UNC5D: variants seen among roughly 807,000 people sequenced by gnomAD.
The protein encoded by UNC5D is netrin receptor UNC5D.
Under a neutral mutation model 105.4 loss-of-function variants are expected in UNC5D, and 39 were observed. That is an observed-to-expected ratio of 0.37 (90% CI 0.29 to 0.48). The LOEUF (loss-of-function observed/expected upper bound fraction) is 0.48. UNC5D is among the 20% of genes least tolerant of loss of function. The probability of loss-of-function intolerance (pLI) is 0.98; values close to 1 mark genes in which losing one functional copy is unlikely to be tolerated. For missense variants in UNC5D, 991 were observed against 1,202.4 expected, an observed-to-expected ratio of 0.82 and a Z score of 2.60; for synonymous variants, 452 against 450.4, an observed-to-expected ratio of 1.00 and a Z score of -0.04.
At chr8:35,683,332 C>T (rs1023969243) in intron 4 of UNC5D, among the ~76,000 whole-genome samples, 2 of 152,116 alleles carry the variant, frequency 1.3e-5, no homozygotes, top group African/African-American at 4.8e-5. Flanking sequence ...GTGTTCTTTT[C>T]CTGCTCCCAA....
At chr8:35,287,796 C>G (rs1806717396) in intron 1 of UNC5D, among the ~76,000 whole-genome samples, 1 of 151,434 alleles carries the variant, frequency 6.6e-6, no homozygotes, top group Admixed American at 6.6e-5. Flanking sequence ...AGAGTGAGAC[C>G]CTGTCTCAAA....
chr8:35,767,202 T>A, intron 15 of UNC5D, 136 bp downstream of exon 15: 1 of 1,107,250 alleles, frequency 9.0e-7, no homozygotes, highest in Non-Finnish European at 1.2e-6. Context: ...TCATTACTGA[T>A]GAGGGAAAAT....
chr8:35,725,244 G>A (rs1411967038), intron 9 of UNC5D, among the ~76,000 whole-genome samples: 1 of 152,086 alleles, frequency 6.6e-6, no homozygotes, highest in African/African-American at 2.4e-5. Flanking sequence ...TCATATTGAC[G>A]GACTGATATG....
At chr8:35,472,845 G>T (rs1450721664) in intron 1 of UNC5D, among the ~76,000 whole-genome samples, 1 of 152,138 alleles carries the variant, frequency 6.6e-6, no homozygotes, top group Non-Finnish European at 1.5e-5. Flanking sequence ...AGTGAGTAGA[G>T]AGTGGGAAAG....
chr8:35,722,261 T>C lies in UNC5D; in HGVS notation c.1169T>C (p.Val390Ala), dbSNP rs989838018. The C allele has an allele frequency of 1.9e-6, 3 of 1,614,036 alleles. No individual in the cohort carries two copies. The African/African-American group carries it at 4.0e-5, about 22-fold the overall frequency. The change falls in exon 9 of 17, where the codon GTC (valine) becomes GCC (alanine). Residue 390 changes from valine (V) to alanine (A), a missense_variant. This residue lies in a region of UNC5D where 944 missense variants were observed against 1,131.6 expected (regional missense o/e 0.83). Coordinates refer to ENST00000404895, the MANE Select transcript of UNC5D (RefSeq NM_080872.4). ...IALYSGLGAA[V>A]VAVAVLVIGV... ...TTGTACTCGGGCTTGGGTGCTGCCG[T>C]CGTGGCCGTTGCAGTCCTGGTCATT...
intron 1 of UNC5D, among the ~76,000 whole-genome samples, chr8:35,382,716 C>T (rs1803120381): frequency 6.6e-6 from 1 of 152,162 alleles, no homozygotes; most frequent in Non-Finnish European, 1.5e-5. Flanking sequence ...CTCCTGCTGT[C>T]ATATCTCAAG....
chr8:35,442,204 G>A (rs910538923), intron 1 of UNC5D, among the ~76,000 whole-genome samples: 4 of 151,772 alleles, frequency 2.6e-5, no homozygotes, highest in African/African-American at 9.7e-5. Context: ...AGTTATTGAA[G>A]GTAGGTGAGA....
At chr8:35,536,042 C>A (rs2130591191) in intron 1 of UNC5D, among the ~76,000 whole-genome samples, 1 of 152,314 alleles carries the variant, frequency 6.6e-6, no homozygotes, top group Admixed American at 6.5e-5. Context: ...CCAAAGCCCA[C>A]ATTTCTTTCC....
At chr8:35,299,382 C>T (rs1397420791) in intron 1 of UNC5D, among the ~76,000 whole-genome samples, 1 of 152,148 alleles carries the variant, frequency 6.6e-6, no homozygotes, top group Non-Finnish European at 1.5e-5. Context: ...AGAATAAGGG[C>T]TTCGTTTCAC....
At position 35,721,587 on chromosome 8, in the gene UNC5D, G is replaced by C. The variant is rs1266521449; in HGVS notation, c.1118-623G>C. 4.3e-6 allele frequency: 3 copies of C among 692,206 alleles called. No individual in the cohort carries two copies. In the Admixed American group the frequency reaches 6.2e-5, roughly 14 times the overall value. 42.9% of individuals were successfully genotyped at this position (692,206 alleles called of 1,614,324 possible). A position where few individuals can be genotyped will look rare whatever the true frequency, so the allele number is the denominator to read the frequency against. ...CTGCCATGGACTTAACAGCACCTGG[G>C]ACCAAGACCTTCATATCCCACAATA... On this transcript the variant is annotated intron_variant, in intron 8 of 16. Transcript: ENST00000404895.
chr8:35,512,567 A>ATCTCTC lies in UNC5D; in HGVS notation c.104-36724_104-36723insCTCTCT, dbSNP rs1181301767. ...TATATATATATATATATATATATAT[A>ATCTCTC]TATCTGAATAGATTACTAAATGGAG... On this transcript the variant is annotated intron_variant, in intron 1 of 16. Transcript: ENST00000404895. Among the ~76,000 whole-genome samples, 23 of 93,174 alleles carry ATCTCTC rather than the reference A, an allele frequency of 2.5e-4. 1 individual carries two copies. The highest frequency in any genetic ancestry group is 1.1e-3 in the African/African-American group (22 of 20,200). 61.1% of individuals were successfully genotyped at this position (93,174 alleles called of 152,430 possible).
chr8:35,784,812 T>C (rs1463693902), intron 16 of UNC5D, among the ~76,000 whole-genome samples: 1 of 151,484 alleles, frequency 6.6e-6, no homozygotes, highest in African/African-American at 2.5e-5. Flanking sequence ...ATATAACATC[T>C]TAATGACACT....
intron 1 of UNC5D, among the ~76,000 whole-genome samples, chr8:35,272,789 T>A (rs1805509679): frequency 6.6e-6 from 1 of 152,182 alleles, no homozygotes; most frequent in Admixed American, 6.5e-5. Context: ...GTCACTGTGA[T>A]TAAAAAGCAA....
In UNC5D at chr8:35,300,428, C is replaced by A. The variant is rs575894613; in HGVS notation, c.103+64541C>A. 6.9e-5 allele frequency among the ~76,000 whole-genome samples: 7 copies of A among 101,034 alleles called. No homozygotes were observed. The Admixed American group carries it at 9.4e-4, about 14-fold the overall frequency. The allele number at this position is 101,034 out of a possible 152,430, so 66.3% of individuals were successfully genotyped here. On this transcript the variant is annotated intron_variant, in intron 1 of 16. Transcript: ENST00000404895. ...TGCCACTGCACTCCAGCCTGGGCAA[C>A]AGAGAGAGACTCCCTCTCAAAAAAA...
chr8:35,412,714 G>A (rs1223155008), intron 1 of UNC5D, among the ~76,000 whole-genome samples: 1 of 152,118 alleles, frequency 6.6e-6, no homozygotes, highest in Non-Finnish European at 1.5e-5. Context: ...GACACCAGTA[G>A]GTTGGCCATT....
At chr8:35,396,654 C>G (rs1224865784) in intron 1 of UNC5D, among the ~76,000 whole-genome samples, 1 of 152,064 alleles carries the variant, frequency 6.6e-6, no homozygotes, top group South Asian at 2.1e-4. Context: ...TGCGCCATCA[C>G]GCCCACCTAA....
At chr8:35,425,462 A>AC (rs746256439) in intron 1 of UNC5D, among the ~76,000 whole-genome samples, 3 of 151,960 alleles carry the variant, frequency 2.0e-5, no homozygotes, top group Non-Finnish European at 4.4e-5. Context: ...ACTCTCCGAG[A>AC]CCCCCACCCC....
chr8:35,441,115 C>T (rs1807366744), intron 1 of UNC5D, among the ~76,000 whole-genome samples: 1 of 151,890 alleles, frequency 6.6e-6, no homozygotes, highest in East Asian at 1.9e-4. Flanking sequence ...CTTGACCTAA[C>T]ATTTCATAAG....
chr8:35,429,436 G>T (rs1401761854), intron 1 of UNC5D, among the ~76,000 whole-genome samples: 2 of 151,884 alleles, frequency 1.3e-5, no homozygotes, highest in African/African-American at 2.4e-5. Context: ...ATATGGGTTT[G>T]TTCAGCTCAA....
Sources: allele counts gnomAD v4.1 joint callset (sites outside exome capture counted in the v4.1 genomes callset), GRCh38; gene constraint gnomAD v4.1.1; regional missense constraint gnomAD v4.1.1; transcripts MANE v1.5; gene names NCBI Gene and HGNC (gene_info 2026-07-23, HGNC 2026-07-21).